FER1L6: variants seen among roughly 807,000 people sequenced by gnomAD.
FER1L6 encodes fer-1-like protein 6.
Under a neutral mutation model 219.2 loss-of-function variants are expected in FER1L6, and 177 were observed. That is an observed-to-expected ratio of 0.81 (90% CI 0.71 to 0.91). FER1L6 has a LOEUF of 0.91. Ranked by LOEUF, FER1L6 falls within the 40% of genes least tolerant of loss-of-function variation. The pLI is 0.00. For missense variants in FER1L6, 2,153 were observed against 2,259.9 expected, an observed-to-expected ratio of 0.95 and a Z score of 0.96; for synonymous variants, 768 against 824.3, an observed-to-expected ratio of 0.93 and a Z score of 1.17.
intron 32 of FER1L6, among the ~76,000 whole-genome samples, chr8:124,081,225 ATAC>A (rs1163649329): frequency 6.6e-6 from 1 of 152,160 alleles, no homozygotes; most frequent in Admixed American, 6.5e-5. Context: ...CAGCTGGAGA[ATAC>A]TGCTGTGTCC....
intron 34 of FER1L6, 28 bp downstream of exon 34, chr8:124,091,611 T>C: frequency 6.2e-7 from 1 of 1,601,576 alleles, no homozygotes; most frequent in Non-Finnish European, 8.5e-7. Context: ...ATCCTGCTGG[T>C]GTTGCTCTTC....
chr8:124,010,485 A>T, intron 13 of FER1L6, 109 bp from the exon 14 acceptor site: 2 of 1,339,950 alleles, frequency 1.5e-6, no homozygotes, highest in Admixed American at 2.3e-5. Flanking sequence ...TAGTTTTTTC[A>T]TCATGCCTCC....
intron 1 of FER1L6, among the ~76,000 whole-genome samples, chr8:123,855,744 GTATGTGTGTATATATA>G (rs1816625077): frequency 6.7e-6 from 1 of 148,218 alleles, no homozygotes; most frequent in African/African-American, 2.5e-5. Flanking sequence ...TAATATGTGT[GTATGTGTGTATATATA>G]TGTGTGTGTA....
chr8:124,095,076 T>G, intron 35 of FER1L6, 38 bp downstream of exon 35: 1 of 1,612,476 alleles, frequency 6.2e-7, no homozygotes, highest in Non-Finnish European at 8.5e-7. Context: ...AAAGTTAATC[T>G]TGTGTACTGT....
At chr8:124,022,511 T>A (rs1818498374) in intron 17 of FER1L6, among the ~76,000 whole-genome samples, 1 of 152,256 alleles carries the variant, frequency 6.6e-6, no homozygotes, top group Admixed American at 6.5e-5. Context: ...CTTCCTATCT[T>A]AATTAATTCG....
chr8:124,108,671 A>AT (rs1412802718), intron 39 of FER1L6, among the ~76,000 whole-genome samples: 1 of 152,036 alleles, frequency 6.6e-6, no homozygotes, highest in Non-Finnish European at 1.5e-5. Context: ...GAGCCCCAGA[A>AT]TTTGAGACCA....
intron 18 of FER1L6, among the ~76,000 whole-genome samples, chr8:124,033,565 T>C (rs1032534103): frequency 2.0e-5 from 3 of 152,150 alleles, no homozygotes; most frequent in African/African-American, 2.4e-5. Context: ...CTCCTCCACA[T>C]ACTGAGCAGG....
chr8:124,055,628 C>T (rs908160051), intron 22 of FER1L6, among the ~76,000 whole-genome samples: 1 of 152,140 alleles, frequency 6.6e-6, no homozygotes, highest in Non-Finnish European at 1.5e-5. Context: ...CAGTTTTCCT[C>T]TCCTCTGCTG....
intron 1 of FER1L6, among the ~76,000 whole-genome samples, chr8:123,854,093 C>G (rs573906442): frequency 2.4e-4 from 37 of 152,278 alleles, no homozygotes; most frequent in African/African-American, 8.9e-4. Flanking sequence ...GAAAAGACGT[C>G]TGGTGAGATG....
At chr8:124,011,154 AACT>A (rs1419894240) in intron 14 of FER1L6, among the ~76,000 whole-genome samples, 1 of 152,132 alleles carries the variant, frequency 6.6e-6, no homozygotes. Context: ...ACTTTGTTCC[AACT>A]ACACTGGTGC....
chr8:124,076,128 C>T, intron 31 of FER1L6, 70 bp from the exon 32 acceptor site: 1 of 1,581,964 alleles, frequency 6.3e-7, no homozygotes, highest in Non-Finnish European at 8.6e-7. Context: ...TTGAAAGCAC[C>T]AAGGTAATCC....
At chr8:123,880,396 A>C (rs145608975) in intron 1 of FER1L6, among the ~76,000 whole-genome samples, 67 of 152,252 alleles carry the variant, frequency 4.4e-4, no homozygotes, top group African/African-American at 1.4e-3. Context: ...CCATTTCTTC[A>C]AGTCCAGTTT....
intron 34 of FER1L6, among the ~76,000 whole-genome samples, chr8:124,092,800 G>A (rs1044794401): frequency 2.6e-5 from 4 of 152,018 alleles, no homozygotes; most frequent in Non-Finnish European, 5.9e-5. Context: ...GAGCCAGCAT[G>A]GCACTCACAT....
intron 1 of FER1L6, among the ~76,000 whole-genome samples, chr8:123,903,255 G>C (rs997468170): frequency 3.9e-5 from 6 of 151,984 alleles, no homozygotes; most frequent in African/African-American, 9.7e-5. Context: ...CTAGTATATC[G>C]ACTTTGGAAA....
intron 1 of FER1L6, among the ~76,000 whole-genome samples, chr8:123,871,701 T>A (rs1816926541): frequency 6.6e-6 from 1 of 152,164 alleles, no homozygotes; most frequent in Non-Finnish European, 1.5e-5. Context: ...AGATTCCCAC[T>A]CCTTAAGAGT....
At position 123,960,841 on chromosome 8, in the gene FER1L6, C is replaced by T. The variant is rs188701079; in HGVS notation, c.77-2437C>T. On this transcript the variant is annotated intron_variant, in intron 2 of 40. Transcript: ENST00000522917. ...AAGACCTTTTTTCTAAATAAGGTAA[C>T]ATTTACAGGCTTCAGAGATTAGGAC... Among the ~76,000 whole-genome samples the T allele has an allele frequency of 2.2e-3, 336 of 152,192 alleles. 1 individual carries two copies. The highest frequency in any genetic ancestry group is 7.8e-3 in the African/African-American group (322 of 41,516).
intron 1 of FER1L6, among the ~76,000 whole-genome samples, chr8:123,899,569 G>C (rs1812822027): frequency 6.6e-6 from 1 of 152,048 alleles, no homozygotes; most frequent in Non-Finnish European, 1.5e-5. Flanking sequence ...TGGGTTCTTG[G>C]TCATGAAATC....
At chr8:124,116,552 T>A (rs1398558921) in intron 39 of FER1L6, among the ~76,000 whole-genome samples, 2 of 152,220 alleles carry the variant, frequency 1.3e-5, no homozygotes, top group Non-Finnish European at 2.9e-5. Context: ...AGGGCATGCA[T>A]GAAACACCAT....
intron 12 of FER1L6, among the ~76,000 whole-genome samples, chr8:123,999,255 C>T (rs113277371): frequency 2.6e-5 from 4 of 152,344 alleles, no homozygotes; most frequent in African/African-American, 9.6e-5. Flanking sequence ...TATTCAAGGC[C>T]CAAAGGCTCT....
Sources: allele counts gnomAD v4.1 joint callset (sites outside exome capture counted in the v4.1 genomes callset), GRCh38; gene constraint gnomAD v4.1.1; transcripts MANE v1.5; gene names NCBI Gene and HGNC (gene_info 2026-07-23, HGNC 2026-07-21).